The following CDH18 variants were observed in gnomAD, a reference collection of about 807,000 sequenced individuals.
CDH18 encodes the protein cadherin-18.
In CDH18, 31 loss-of-function variants were observed where a neutral mutation model predicts 67.9. That is an observed-to-expected ratio of 0.46 (90% CI 0.34 to 0.62). The LOEUF (loss-of-function observed/expected upper bound fraction) is 0.62, where lower values mean the gene tolerates loss of function less well. CDH18 is among the 20% of genes least tolerant of loss of function. The pLI, the probability that CDH18 is intolerant of heterozygous loss-of-function variation, is 0.01. For missense variants in CDH18, 890 were observed against 975.5 expected (o/e 0.91, Z 1.17); for synonymous variants, 362 against 347.2 (o/e 1.04, Z -0.48).
At position 19,854,851 on chromosome 5, in the gene CDH18, A is replaced by G. The variant is rs571447241; in HGVS notation, c.-256-15609T>C. 4.6e-5 allele frequency among the ~76,000 whole-genome samples: 7 copies of G among 151,018 alleles called. No individual in the cohort carries two copies. In the East Asian group the frequency reaches 1.4e-3, roughly 29 times the overall value. On this transcript the variant is annotated intron_variant, in intron 2 of 12. Coordinates refer to ENST00000382275, the MANE Select transcript of CDH18 (RefSeq NM_004934.5). ...TCTATCTAACTGTATTTTTGTATCC[A>G]TTAACCATTCCCCCTTTATCCCCCT...
At chr5:19,580,090 C>T (rs957510481) in intron 7 of CDH18, among the ~76,000 whole-genome samples, 1 of 151,646 alleles carries the variant, frequency 6.6e-6, no homozygotes, top group African/African-American at 2.4e-5. Flanking sequence ...AAACTATTGA[C>T]ATATGCATAC....
At chr5:20,408,313 T>C (rs1434388173) in intron 1 of CDH18, among the ~76,000 whole-genome samples, 1 of 152,086 alleles carries the variant, frequency 6.6e-6, no homozygotes, top group Non-Finnish European at 1.5e-5. Flanking sequence ...CATGATAGCC[T>C]ACCAAGTATA....
chr5:20,058,841 T>C lies in CDH18; in HGVS notation c.-517-66827A>G, dbSNP rs559572850. Among the ~76,000 whole-genome samples the C allele has an allele frequency of 2.6e-5, 4 of 152,272 alleles. No individual in the cohort carries two copies. In the East Asian group the frequency reaches 7.7e-4, roughly 29 times the overall value. Reference sequence around the variant, plus strand: ...GTATCATCAACTAATATACCCTAGATGACAGTTGCAGTTCTAATTACTATT... The same window carrying C: ...GTATCATCAACTAATATACCCTAGACGACAGTTGCAGTTCTAATTACTATT... On this transcript the variant is annotated intron_variant, in intron 2 of 14. Transcript: ENST00000507958.
At chr5:19,656,327 A>G (rs776614989) in intron 5 of CDH18, among the ~76,000 whole-genome samples, 14 of 152,130 alleles carry the variant, frequency 9.2e-5, no homozygotes, top group Non-Finnish European at 1.9e-4. Context: ...ATTCAGAATC[A>G]ACATTTAACT....
chr5:19,824,761 G>A (rs1780236960), intron 3 of CDH18, among the ~76,000 whole-genome samples: 1 of 151,864 alleles, frequency 6.6e-6, no homozygotes, highest in Non-Finnish European at 1.5e-5. Context: ...CTGTTGTCTT[G>A]GAAAACACCC....
intron 3 of CDH18, among the ~76,000 whole-genome samples, chr5:19,792,284 G>A (rs757773328): frequency 5.9e-5 from 9 of 152,212 alleles, no homozygotes; most frequent in East Asian, 1.9e-4. Context: ...GAGCTGGGGC[G>A]TTCATCTTCT....
intron 1 of CDH18, among the ~76,000 whole-genome samples, chr5:20,478,129 G>A (rs1448421441): frequency 1.3e-5 from 2 of 152,190 alleles, no homozygotes; most frequent in African/African-American, 4.8e-5. Context: ...CAGGACTTGG[G>A]TGAGACCCAG....
At chr5:20,140,726 C>CT (rs1750179411) in intron 2 of CDH18, among the ~76,000 whole-genome samples, 1 of 151,974 alleles carries the variant, frequency 6.6e-6, no homozygotes, top group African/African-American at 2.4e-5. Context: ...ATTTTTTTCA[C>CT]TTTTTTATTG....
At chr5:20,557,093 G>A (rs911050166) in intron 1 of CDH18, among the ~76,000 whole-genome samples, 1 of 152,104 alleles carries the variant, frequency 6.6e-6, no homozygotes, top group Non-Finnish European at 1.5e-5. Flanking sequence ...GAACTTACTA[G>A]TATGTATGTT....
At position 19,471,960 on chromosome 5, in the gene CDH18, G is replaced by A. The variant is rs1405191002; in HGVS notation, c.*1266C>T. Among the ~76,000 whole-genome samples the A allele has an allele frequency of 6.6e-6, 1 of 152,146 alleles. No homozygotes were observed. Among genetic ancestry groups the A allele is most frequent in the Non-Finnish European group, 1.5e-5 (1 of 68,032 alleles). ...TTTAATCCTCACAACAACCCTGTGA[G>A]GTGGGCAGGGAAGTCATTGCCATCT... is the stretch of plus-strand genomic sequence containing the variant. On this transcript the variant is annotated 3_prime_UTR_variant, in exon 13 of 13. Coordinates refer to ENST00000382275, the MANE Select transcript of CDH18 (RefSeq NM_004934.5).
rs542893397 is a variant in CDH18 at position 20,141,984 on chromosome 5, T to C, written c.-518+113460A>G. On this transcript the variant is annotated intron_variant, in intron 2 of 14. Transcript: ENST00000507958. ...TGCTATTATATAGGAAGTTGAAATT[T>C]TTTGAGGAATTTTTCTGAAAGAATC... Among the ~76,000 whole-genome samples, 96 of 151,984 alleles carry C rather than the reference T, an allele frequency of 6.3e-4. No individual in the cohort carries two copies. The South Asian group carries it at 0.017, about 27-fold the overall frequency.
rs893023603 is a variant in CDH18 at position 20,341,626 on chromosome 5, C to A, written c.-579-86121G>T. Among the ~76,000 whole-genome samples the A allele has an allele frequency of 4.6e-5, 7 of 151,330 alleles. No individual in the cohort carries two copies. The East Asian group carries it at 9.8e-4, about 21-fold the overall frequency. Reference sequence around the variant, plus strand: ...TATTAGTTCTGTCCCTCTAGAGAACCCTGACTAATACATATTTTGGTACCA... The same window carrying A: ...TATTAGTTCTGTCCCTCTAGAGAACACTGACTAATACATATTTTGGTACCA... On this transcript the variant is annotated intron_variant, in intron 1 of 14. Transcript: ENST00000507958.
chr5:20,436,518 G>T (rs540996882), intron 1 of CDH18, among the ~76,000 whole-genome samples: 5 of 151,576 alleles, frequency 3.3e-5, no homozygotes, highest in African/African-American at 4.8e-5. Flanking sequence ...CAGGACACGT[G>T]GTAGCTCCTT....
At chr5:19,863,522 G>C (rs1255377253) in intron 2 of CDH18, among the ~76,000 whole-genome samples, 3 of 152,076 alleles carry the variant, frequency 2.0e-5, no homozygotes, top group Non-Finnish European at 4.4e-5. Context: ...GCTGACACAG[G>C]GGAGAGGACA....
chr5:20,142,355 G>A (rs750878884), intron 2 of CDH18, among the ~76,000 whole-genome samples: 25 of 151,948 alleles, frequency 1.6e-4, no homozygotes, highest in African/African-American at 5.1e-4. Flanking sequence ...TGAGGTGGGC[G>A]GATCACTTTA....
chr5:19,725,313 T>C (rs1218361071), intron 4 of CDH18, among the ~76,000 whole-genome samples: 1 of 152,170 alleles, frequency 6.6e-6, no homozygotes, highest in Non-Finnish European at 1.5e-5. Context: ...TACCACTAGG[T>C]AGGCATCTAC....
intron 1 of CDH18, among the ~76,000 whole-genome samples, chr5:20,287,439 C>G (rs1261761729): frequency 6.6e-6 from 1 of 151,636 alleles, no homozygotes; most frequent in Admixed American, 6.6e-5. Context: ...TATTTCATAA[C>G]TTTTCTGTTT....
At chr5:20,216,564 T>C (rs1477518611) in intron 2 of CDH18, among the ~76,000 whole-genome samples, 1 of 151,934 alleles carries the variant, frequency 6.6e-6, no homozygotes, top group African/African-American at 2.4e-5. Context: ...TATGCCCCCA[T>C]GAATTTCTTC....
chr5:20,411,395 A>G (rs955310329), intron 1 of CDH18, among the ~76,000 whole-genome samples: 1 of 107,502 alleles, frequency 9.3e-6, no homozygotes, highest in African/African-American at 3.1e-5. Context: ...AATATTATAT[A>G]CACAAAAAAA....
Sources: gnomAD v4.1 joint callset for allele counts (sites outside exome capture counted in the v4.1 genomes callset) on GRCh38, gnomAD v4.1.1 for gene constraint, MANE v1.5 for transcripts, NCBI Gene and HGNC (gene_info 2026-07-23, HGNC 2026-07-21) for gene names.